Variants in GALNT13 observed in about 807,000 individuals in gnomAD.
GALNT13 encodes the protein polypeptide N-acetylgalactosaminyltransferase 13, also known as UDP-GalNAc:polypeptide N-acetylgalactosaminyltransferase 13.
GALNT13 carries 28 observed loss-of-function variants against 64.2 expected under a neutral mutation model. That is an observed-to-expected ratio of 0.44 (90% CI 0.32 to 0.60). GALNT13 has a LOEUF of 0.60. Ranked by LOEUF, GALNT13 falls within the 20% of genes least tolerant of loss-of-function variation. GALNT13 has a pLI of 0.05. For synonymous variants in GALNT13, 214 were observed against 224.6 expected (o/e 0.95, Z 0.42); for missense variants, 577 against 669.8 (o/e 0.86, Z 1.53).
chr2:153,365,307 A>G, the GALNT13 span, among the ~76,000 whole-genome samples: 10 of 152,164 alleles, frequency 6.6e-5, no homozygotes, highest in South Asian at 1.7e-3. Flanking sequence ...AACTTAGGCA[A>G]TATCACTCGG....
intron 3 of GALNT13, among the ~76,000 whole-genome samples, chr2:153,984,116 G>T (rs888512138): frequency 6.6e-6 from 1 of 151,574 alleles, no homozygotes; most frequent in African/African-American, 2.4e-5. Context: ...GAAGTTTAAT[G>T]AAATACCCAA....
Position 154,340,168 on chromosome 2 carries a change from C to T in GALNT13, c.1156+38579C>T, listed in dbSNP as rs374950180. Among the ~76,000 whole-genome samples, 32 of 152,076 alleles carry T rather than the reference C, an allele frequency of 2.1e-4. No homozygotes were observed. In the South Asian group the frequency reaches 6.4e-3, roughly 31 times the overall value. On this transcript the variant is annotated intron_variant, in intron 9 of 12. Coordinates refer to ENST00000392825, the MANE Select transcript of GALNT13 (RefSeq NM_052917.4). ...TGTGCAGATCTCTATTGCTCCAACT[C>T]TCTAACTTGGTCAAAATATGTTTCC...
the GALNT13 span, among the ~76,000 whole-genome samples, chr2:153,840,123 C>A: frequency 3.9e-5 from 6 of 151,902 alleles, no homozygotes; most frequent in Admixed American, 3.3e-4. Flanking sequence ...TAATGTTGCT[C>A]TAATGCATTG....
At chr2:154,107,588 CAAAA>C (rs145286349) in intron 3 of GALNT13, among the ~76,000 whole-genome samples, 1 of 72,280 alleles carries the variant, frequency 1.4e-5, no homozygotes. Flanking sequence ...GACTACATCA[CAAAA>C]AAAAAAAAAA....
At chr2:153,689,829 G>C in the GALNT13 span, among the ~76,000 whole-genome samples, 1 of 152,048 alleles carries the variant, frequency 6.6e-6, no homozygotes. Flanking sequence ...CGGGAATGGT[G>C]GTGGGCTTAG....
At chr2:153,302,826 T>C in the GALNT13 span, among the ~76,000 whole-genome samples, 3 of 152,198 alleles carry the variant, frequency 2.0e-5, no homozygotes, top group Admixed American at 2.0e-4. Context: ...GTGTTCTTGG[T>C]TCCTTTGTAG....
chr2:153,627,313 C>T, the GALNT13 span, among the ~76,000 whole-genome samples: 267 of 151,968 alleles, frequency 1.8e-3, 2 homozygotes, highest in African/African-American at 6.3e-3. Context: ...ATTTTTAAGT[C>T]AATTGATTCA....
At chr2:153,157,458 T>G in the GALNT13 span, among the ~76,000 whole-genome samples, 1 of 152,192 alleles carries the variant, frequency 6.6e-6, no homozygotes, top group Non-Finnish European at 1.5e-5. Flanking sequence ...ATTATTCTCG[T>G]TTTTCTGTTT....
the GALNT13 span, among the ~76,000 whole-genome samples, chr2:153,195,005 T>C: frequency 1.3e-5 from 2 of 152,144 alleles, no homozygotes; most frequent in African/African-American, 4.8e-5. Context: ...CCCCGGGTGG[T>C]ATATGTTGGC....
At chr2:154,258,103 G>A (rs1156254573) in intron 7 of GALNT13, among the ~76,000 whole-genome samples, 1 of 152,056 alleles carries the variant, frequency 6.6e-6, no homozygotes, top group Non-Finnish European at 1.5e-5. Flanking sequence ...ACATTCAAAA[G>A]TCATCATTGC....
At chr2:154,167,672 C>A (rs982827503) in intron 4 of GALNT13, among the ~76,000 whole-genome samples, 2 of 152,142 alleles carry the variant, frequency 1.3e-5, no homozygotes, top group African/African-American at 4.8e-5. Context: ...AGAGACACAA[C>A]TTAATGTAGG....
At chr2:153,400,354 G>A in the GALNT13 span, among the ~76,000 whole-genome samples, 3 of 152,142 alleles carry the variant, frequency 2.0e-5, no homozygotes, top group Non-Finnish European at 2.9e-5. Flanking sequence ...TTTGTGCATC[G>A]ATGTTCTTCA....
At chr2:154,398,828 T>G (rs1160826032) in intron 10 of GALNT13, among the ~76,000 whole-genome samples, 1 of 152,244 alleles carries the variant, frequency 6.6e-6, no homozygotes, top group Non-Finnish European at 1.5e-5. Flanking sequence ...GTTACACTTA[T>G]TATATCTACC....
the GALNT13 span, among the ~76,000 whole-genome samples, chr2:153,803,725 A>AGGAAAG: frequency 6.9e-6 from 1 of 145,644 alleles, no homozygotes; most frequent in Admixed American, 6.6e-5. Flanking sequence ...GAAAAAAGAA[A>AGGAAAG]GGAAAGGAAC....
chr2:154,128,076 C>T (rs1414410843), intron 3 of GALNT13, among the ~76,000 whole-genome samples: 3 of 151,814 alleles, frequency 2.0e-5, no homozygotes, highest in African/African-American at 7.3e-5. Flanking sequence ...TAAAGCAAGG[C>T]TTACATAAAA....
intron 12 of GALNT13, chr2:154,445,915 A>G: frequency 1.5e-6 from 1 of 665,580 alleles, no homozygotes; most frequent in Non-Finnish European, 2.4e-6. Flanking sequence ...AGAGCAAGAA[A>G]CAGACAGATA....
chr2:154,168,821 A>C (rs1054786271), intron 4 of GALNT13, among the ~76,000 whole-genome samples: 1 of 152,040 alleles, frequency 6.6e-6, no homozygotes, highest in South Asian at 2.1e-4. Flanking sequence ...CAGCCTGGGT[A>C]ACAGTGTGAG....
the GALNT13 span, among the ~76,000 whole-genome samples, chr2:153,614,972 T>A: frequency 2.0e-5 from 3 of 152,076 alleles, no homozygotes; most frequent in African/African-American, 7.2e-5. Flanking sequence ...TAGGTCTTAT[T>A]CCTTCCAACT....
intron 8 of GALNT13, among the ~76,000 whole-genome samples, chr2:154,271,895 C>T (rs531269266): frequency 4.0e-5 from 6 of 151,710 alleles, no homozygotes; most frequent in African/African-American, 1.4e-4. Context: ...TTAGATGTCT[C>T]TATAAAAATA....
Sources: gnomAD v4.1 joint callset for allele counts (sites outside exome capture counted in the v4.1 genomes callset) on GRCh38, gnomAD v4.1.1 for gene constraint, MANE v1.5 for transcripts, NCBI Gene and HGNC (gene_info 2026-07-23, HGNC 2026-07-21) for gene names.